Variants in HDAC3 observed in about 807,000 individuals in gnomAD.
HDAC3 encodes the protein histone deacetylase 3, also known as SMAP45.
A neutral mutation model predicts 62.3 loss-of-function variants in HDAC3; 21 were observed. The ratio of observed to expected loss-of-function variants is 0.34; its 90% CI spans 0.24 to 0.49. The LOEUF is 0.49. Among genes scored for constraint, HDAC3 ranks in the 20% least tolerant of loss-of-function variants. The pLI is 0.99. For missense variants in HDAC3, 270 were observed against 556.9 expected, an observed-to-expected ratio of 0.48 and a Z score of 5.19; for synonymous variants, 198 against 206.5, an observed-to-expected ratio of 0.96 and a Z score of 0.35.
At position 141,628,245 on chromosome 5, in the gene HDAC3, C is replaced by A; in HGVS notation, c.692-58G>T. The A allele has an allele frequency of 1.4e-6, 2 of 1,462,246 alleles. No homozygotes were observed. The highest frequency in any genetic ancestry group is 1.7e-5 in the Admixed American group (1 of 58,126). The allele number at this position is 1,462,246 out of a possible 1,614,324, so 90.6% of individuals were successfully genotyped here. ...CCCAAGGGGATGGGGAGACAGGGAA[C>A]AAAAGGAAAAAGGGGGTTGAGCGAG... On this transcript the variant is annotated intron_variant, in intron 8 of 14. Coordinates refer to ENST00000305264, the MANE Select transcript of HDAC3 (RefSeq NM_003883.4). The surrounding 1 kb of genome is among the most constrained non-coding windows in gnomAD (Gnocchi z 4.7).
chr5:141,625,122 A>T lies in HDAC3; in HGVS notation c.1217+86T>A. The stretch of plus-strand genomic sequence containing the variant: ...TAAAGGAGGTAAGCCAGAGGCAATT[A>T]AACTAATACCTTCCCATTTACTTTT... On this transcript the variant is annotated intron_variant, in intron 14 of 14. Transcript: ENST00000305264. This position sits in a 1 kb window ranked among gnomAD's most constrained non-coding sequence, Gnocchi z 4.0. 7.9e-7 allele frequency: 1 copy of T among 1,267,114 alleles called. No individual in the cohort carries two copies. Among genetic ancestry groups the T allele is most frequent in the Non-Finnish European group, 1.1e-6 (1 of 919,240 alleles). 78.5% of individuals were successfully genotyped at this position (1,267,114 alleles called of 1,614,324 possible). A position where few individuals can be genotyped will look rare whatever the true frequency, so the allele number is the denominator to read the frequency against.
intron 3 of HDAC3, among the ~76,000 whole-genome samples, chr5:141,632,938 T>C (rs1009782176): frequency 2.6e-5 from 4 of 152,160 alleles, no homozygotes. Context: ...GAAAACAGAT[T>C]AGTGGTTTAA....
At position 141,629,324 on chromosome 5, in the gene HDAC3, C is replaced by T; in HGVS notation, c.477-18G>A. The T allele has an allele frequency of 1.9e-6, 3 of 1,614,048 alleles. No homozygotes were observed. The highest frequency in any genetic ancestry group is 2.5e-6 in the Non-Finnish European group (3 of 1,179,984). On this transcript the variant is annotated intron_variant, in intron 6 of 14. Coordinates refer to ENST00000305264, the MANE Select transcript of HDAC3 (RefSeq NM_003883.4). This position sits in a 1 kb window ranked among gnomAD's most constrained non-coding sequence, Gnocchi z 5.3. ...GGTGGTACCTAGAGGGAAGCCAAAG[C>T]CAGGGTCTGAGCTAGAAGTGAACCC...
chr5:141,636,327 A>G (rs935359299), intron 2 of HDAC3: 1 of 585,894 alleles, frequency 1.7e-6, no homozygotes, highest in East Asian at 2.8e-5. Flanking sequence ...TAGTGTGCCT[A>G]CAGTCAGAGG....
At chr5:141,635,139 G>A (rs1173439264) in intron 2 of HDAC3, 186 bp from the exon 3 acceptor site, 4 of 552,150 alleles carry the variant, frequency 7.2e-6, no homozygotes, top group African/African-American at 1.9e-5. Flanking sequence ...TGAGCCCCCT[G>A]AAGACCACTT....
chr5:141,631,222 C>G (rs2099905172), intron 3 of HDAC3, among the ~76,000 whole-genome samples: 2 of 152,016 alleles, frequency 1.3e-5, no homozygotes, highest in African/African-American at 4.8e-5. Flanking sequence ...GGGTCTTGCT[C>G]TGTCGCCCAG....
chr5:141,623,929 C>T (rs2099904045), intron 14 of HDAC3, among the ~76,000 whole-genome samples: 1 of 151,932 alleles, frequency 6.6e-6, no homozygotes, highest in Non-Finnish European at 1.5e-5. Flanking sequence ...GTTGTCTTTC[C>T]CTTTCATTTT....
Position 141,626,795 on chromosome 5 carries a change from TATATAC to T in HDAC3, c.831-518_831-513del, listed in dbSNP as rs1341403380. Among the ~76,000 whole-genome samples the T allele has an allele frequency of 4.3e-5, 6 of 139,818 alleles. No individual in the cohort carries two copies. The highest frequency in any genetic ancestry group is 1.4e-4 in the African/African-American group (5 of 36,910). The allele number at this position is 139,818 out of a possible 152,430, so 91.7% of individuals were successfully genotyped here. On this transcript the variant is annotated intron_variant, in intron 10 of 14. Transcript: ENST00000305264. The surrounding 1 kb of genome is among the most constrained non-coding windows in gnomAD (Gnocchi z 4.6). The stretch of plus-strand genomic sequence containing the variant: ...GTGTGTGTGTGTGTGTATATATATA[TATATAC>T]ACACACACACACACACACCTCTCAG...
Position 141,626,604 on chromosome 5 carries a change from T to G in HDAC3, c.831-321A>C. On this transcript the variant is annotated intron_variant, in intron 10 of 14. Transcript: ENST00000305264. This position sits in a 1 kb window ranked among gnomAD's most constrained non-coding sequence, Gnocchi z 4.6. The stretch of plus-strand genomic sequence containing the variant: ...AAAATATAACTCACGCCCGGCGCGG[T>G]GCTCACGCCTTTGTAGTAGTCCCAG... The G allele has an allele frequency of 5.9e-6, 2 of 337,010 alleles. No homozygotes were observed. Among genetic ancestry groups the G allele is most frequent in the Non-Finnish European group, 5.7e-6 (1 of 174,638 alleles). The allele number at this position is 337,010 out of a possible 1,614,324, so 20.9% of individuals were successfully genotyped here.
chr5:141,621,705 T>C (rs1231772182), intron 14 of HDAC3, among the ~76,000 whole-genome samples, 168 bp from the exon 15 acceptor site: 1 of 152,216 alleles, frequency 6.6e-6, no homozygotes, highest in African/African-American at 2.4e-5. Flanking sequence ...ATTAAGGAAC[T>C]ACTCTATACA....
At chr5:141,632,467 T>C (rs2099905363) in intron 3 of HDAC3, among the ~76,000 whole-genome samples, 1 of 152,174 alleles carries the variant, frequency 6.6e-6, no homozygotes, top group Non-Finnish European at 1.5e-5. Context: ...TAAGCACAAC[T>C]GTAACTTGTT....
rs867716432 is a variant in HDAC3 at position 141,621,029 on chromosome 5, C to T, written c.*439G>A. On this transcript the variant is annotated 3_prime_UTR_variant, in exon 15 of 15. Coordinates refer to ENST00000305264, the MANE Select transcript of HDAC3 (RefSeq NM_003883.4). ...GATTCAGGTGTTAGGGAGCCAGAGC[C>T]CCTTCCAAATCTCTCTCTCTTCATC... The T allele has an allele frequency of 4.3e-4, 86 of 200,302 alleles. No homozygotes were observed. Among genetic ancestry groups the T allele is most frequent in the Middle Eastern group, 2.0e-3 (1 of 500 alleles). 12.4% of individuals were successfully genotyped at this position (200,302 alleles called of 1,614,324 possible).
rs776018192 is a variant in HDAC3 at position 141,626,057 on chromosome 5, G to A, written c.935C>T (p.Ser312Leu). ...ACTAATGGCCTCTTCTACCAGCAGC[G>A]ATGTCTCATATGTCCTGAAACCAAC... ...NVARCWTYET[S>L]LLVEEAISEE... The change falls in exon 12 of 15, where the codon TCG (serine) becomes TTG (leucine). Residue 312 changes from serine to leucine, a missense_variant. Physicochemically the swap from Ser to Leu is moderately radical, Grantham distance 145 (BLOSUM62 -2). Transcript: ENST00000305264. The surrounding 1 kb of genome is among the most constrained non-coding windows in gnomAD (Gnocchi z 4.6). 3 of 1,613,890 alleles carry A rather than the reference G, an allele frequency of 1.9e-6. No individual in the cohort carries two copies. Among genetic ancestry groups the A allele is most frequent in the South Asian group, 2.2e-5 (2 of 91,088 alleles).
intron 10 of HDAC3, 105 bp downstream of exon 10, chr5:141,627,787 TG>T: frequency 3.3e-6 from 3 of 920,998 alleles, no homozygotes. Context: ...TAGCTATTTT[TG>T]ATTTCCAAGA....
At chr5:141,630,170 G>T (rs773539985) in intron 3 of HDAC3, 45 bp from the exon 4 acceptor site, 1 of 1,569,960 alleles carries the variant, frequency 6.4e-7, no homozygotes, top group East Asian at 2.2e-5. Context: ...CCTCTGTCTG[G>T]GCCCTTCCCA....
chr5:141,636,797 GGCGGGAGCAGGCCCCGCACCT>G lies in HDAC3; in HGVS notation c.-28_-8del. 1 of 1,600,102 alleles carries G rather than the reference GGCGGGAGCAGGCCCCGCACCT, an allele frequency of 6.2e-7. No homozygotes were observed. Reference sequence around the variant, plus strand: ...AGGCCACGGTCTTGGCCATGGTGCCGGCGGGAGCAGGCCCCGCACCTCCGCCGCCCGCCGCCCGCGGCCGCC... The same window carrying G: ...AGGCCACGGTCTTGGCCATGGTGCCGCCGCCGCCCGCCGCCCGCGGCCGCC... On this transcript the variant is annotated 5_prime_UTR_variant, in exon 1 of 15. Transcript: ENST00000305264.
At chr5:141,622,826 A>G (rs550610490) in intron 14 of HDAC3, among the ~76,000 whole-genome samples, 103 of 152,184 alleles carry the variant, frequency 6.8e-4, no homozygotes, top group Non-Finnish European at 1.1e-3. Context: ...AAAGTTACTT[A>G]AGTCTCGCCG....
At chr5:141,624,985 T>G in intron 14 of HDAC3, 1 of 515,210 alleles carries the variant, frequency 1.9e-6, no homozygotes. Context: ...AGGTCTGGGA[T>G]TGTGTGAACG....
At position 141,635,025 on chromosome 5, in the gene HDAC3, A is replaced by T. The variant is rs1178921679; in HGVS notation, c.139-72T>A. 2.6e-6 allele frequency: 4 copies of T among 1,524,112 alleles called. No homozygotes were observed. The African/African-American group carries it at 5.5e-5, about 21-fold the overall frequency. 94.4% of individuals were successfully genotyped at this position (1,524,112 alleles called of 1,614,324 possible). A position where few individuals can be genotyped will look rare whatever the true frequency, so the allele number is the denominator to read the frequency against. ...CCACAGGCTCAGACCACCCATACTGAACCCAGTCCTGGAGACTATATGAAG... is the reference window on the plus strand; with the variant it reads ...CCACAGGCTCAGACCACCCATACTGTACCCAGTCCTGGAGACTATATGAAG... On this transcript the variant is annotated intron_variant, in intron 2 of 14. Transcript: ENST00000305264.
Sources: gnomAD v4.1 joint callset for allele counts (sites outside exome capture counted in the v4.1 genomes callset) on GRCh38, gnomAD v4.1.1 for gene constraint, Gnocchi (gnomAD v3.1) non-coding constraint, MANE v1.5 for transcripts, NCBI Gene and HGNC (gene_info 2026-07-23, HGNC 2026-07-21) for gene names.